FMN1: variants seen among roughly 807,000 people sequenced by gnomAD.
FMN1 encodes the protein formin-1.
In FMN1, 110 loss-of-function variants were observed where a neutral mutation model predicts 132.4. The ratio of observed to expected loss-of-function variants is 0.83; its 90% CI spans 0.71 to 0.97. FMN1 has a LOEUF of 0.97. FMN1 is among the 50% of genes least tolerant of loss of function. The pLI, the probability that FMN1 is intolerant of heterozygous loss-of-function variation, is 0.00. For missense variants in FMN1, 1,792 were observed against 1,705.3 expected (o/e 1.05, Z -0.90); for synonymous variants, 722 against 651.7 (o/e 1.11, Z -1.64).
At chr15:32,797,354 C>T (rs753204172) in intron 19 of FMN1, among the ~76,000 whole-genome samples, 47 of 152,180 alleles carry the variant, frequency 3.1e-4, no homozygotes, top group Non-Finnish European at 6.6e-4. Context: ...GCTGTACATT[C>T]CAGGCCCACT....
intron 19 of FMN1, among the ~76,000 whole-genome samples, chr15:32,778,366 A>T (rs896679343): frequency 2.0e-5 from 3 of 149,952 alleles, no homozygotes; most frequent in Admixed American, 1.3e-4. Flanking sequence ...TGCAACCTCC[A>T]CCTCCAGAAT....
At chr15:33,167,175 C>T (rs1965141661) in intron 3 of FMN1, among the ~76,000 whole-genome samples, 1 of 152,162 alleles carries the variant, frequency 6.6e-6, no homozygotes, top group Admixed American at 6.5e-5. Flanking sequence ...TAATAATCCC[C>T]ACGTGTCATG....
intron 16 of FMN1, among the ~76,000 whole-genome samples, chr15:32,866,186 C>A (rs1441677261): frequency 2.0e-5 from 3 of 149,358 alleles, no homozygotes; most frequent in African/African-American, 7.5e-5. Context: ...ATGTAACAAA[C>A]CTGCACGTTG....
intron 9 of FMN1, among the ~76,000 whole-genome samples, chr15:32,931,565 G>T (rs967859467): frequency 2.6e-5 from 4 of 152,168 alleles, no homozygotes; most frequent in African/African-American, 9.7e-5. Context: ...TAAGTTTGCT[G>T]AATGTTTTTC....
intron 16 of FMN1, among the ~76,000 whole-genome samples, chr15:32,875,994 C>T (rs1382034601): frequency 6.6e-6 from 1 of 152,098 alleles, no homozygotes. Context: ...GCCCTACTCA[C>T]TTGGGAGGAT....
intron 10 of FMN1, among the ~76,000 whole-genome samples, chr15:32,914,864 T>C (rs1305642469): frequency 6.6e-6 from 1 of 152,160 alleles, no homozygotes; most frequent in African/African-American, 2.4e-5. Flanking sequence ...GAGGTGAGCA[T>C]GACTACTGAT....
intron 9 of FMN1, among the ~76,000 whole-genome samples, chr15:32,932,342 A>C (rs1208237284): frequency 6.6e-6 from 1 of 152,234 alleles, no homozygotes; most frequent in East Asian, 1.9e-4. Flanking sequence ...CCAAGGTTGC[A>C]GTGAGCTGAT....
At chr15:32,939,262 C>T (rs745954745) in intron 9 of FMN1, among the ~76,000 whole-genome samples, 17 of 152,140 alleles carry the variant, frequency 1.1e-4, no homozygotes, top group African/African-American at 1.9e-4. Context: ...CGAATTTTTA[C>T]GGTAATTCAT....
intron 7 of FMN1, among the ~76,000 whole-genome samples, chr15:32,990,101 A>T (rs1334566076): frequency 6.6e-6 from 1 of 152,188 alleles, no homozygotes; most frequent in Non-Finnish European, 1.5e-5. Context: ...TTCCCAGTGT[A>T]GCTTTCCACA....
chr15:33,032,476 T>C (rs978586620), intron 6 of FMN1, among the ~76,000 whole-genome samples: 1 of 152,244 alleles, frequency 6.6e-6, no homozygotes, highest in Admixed American at 6.5e-5. Flanking sequence ...TTTGTGTGTA[T>C]GCCCTTGTAT....
rs1306304659 is a variant in FMN1 at position 32,768,770 on chromosome 15, T to C, written c.*5540A>G. On this transcript the variant is annotated 3_prime_UTR_variant, in exon 21 of 21. Transcript: ENST00000616417. ...AAAAGGAGACTAGAGATTCTCAGTA[T>C]ATTTAAGAGAAGATTTAAAAATAGA... 1.3e-5 allele frequency: 2 copies of C among 148,590 alleles called. No homozygotes were observed. The highest frequency in any genetic ancestry group is 6.7e-5 in the Admixed American group (1 of 14,870). 9.2% of individuals were successfully genotyped at this position (148,590 alleles called of 1,614,324 possible). A position where few individuals can be genotyped will look rare whatever the true frequency, so the allele number is the denominator to read the frequency against.
chr15:32,973,179 A>G (rs79112699), intron 7 of FMN1, among the ~76,000 whole-genome samples: 3,758 of 152,298 alleles, frequency 0.025, 62 homozygotes, highest in Middle Eastern at 0.085. Context: ...AATTAGCTTT[A>G]CTTGCAGACT....
rs1397952718 is a variant in FMN1 at position 33,129,116 on chromosome 15, C to T, written c.1867+23932G>A. ...AAAAGTTCTCCAAGTCCCCACAAAA[C>T]CCAGAAGCCCAGCTGGCTTCACCTC... On this transcript the variant is annotated intron_variant, in intron 4 of 20. Coordinates refer to ENST00000616417, the MANE Select transcript of FMN1 (RefSeq NM_001277313.2). 3.9e-5 allele frequency among the ~76,000 whole-genome samples: 6 copies of T among 152,306 alleles called. No homozygotes were observed. In the East Asian group the frequency reaches 1.2e-3, roughly 29 times the overall value.
chr15:32,812,015 TAAACAAACAAAC>T (rs71424675), intron 17 of FMN1, among the ~76,000 whole-genome samples: 93 of 150,480 alleles, frequency 6.2e-4, no homozygotes, highest in South Asian at 1.5e-3. Context: ...TTATGGACAC[TAAACAAACAAAC>T]AAACAAACAA....
At chr15:32,774,458 C>T in intron 20 of FMN1, 104 bp from the exon 21 acceptor site, 1 of 864,814 alleles carries the variant, frequency 1.2e-6, no homozygotes, top group Non-Finnish European at 1.8e-6. Flanking sequence ...CGGAATTGTG[C>T]CAAATGGCCT....
intron 6 of FMN1, among the ~76,000 whole-genome samples, chr15:33,041,915 G>GT (rs1378888747): frequency 5.3e-5 from 8 of 151,144 alleles, no homozygotes; most frequent in Admixed American, 1.3e-4. Context: ...ATTTCACAGT[G>GT]TTTTTTTTCA....
At position 32,772,516 on chromosome 15, in the gene FMN1, T is replaced by C. The variant is rs1342397569; in HGVS notation, c.*1794A>G. 2.6e-5 allele frequency: 4 copies of C among 152,270 alleles called. No homozygotes were observed. Among genetic ancestry groups the C allele is most frequent in the Non-Finnish European group, 5.9e-5 (4 of 68,054 alleles). The allele number at this position is 152,270 out of a possible 1,614,324, so 9.4% of individuals were successfully genotyped here. ...GTTAAGTGAAAATGAAGAGAAACTA[T>C]GTAAGAAAGCAGCATAAAAAGCTTC... On this transcript the variant is annotated 3_prime_UTR_variant, in exon 21 of 21. Transcript: ENST00000616417.
intron 6 of FMN1, chr15:33,012,051 C>T (rs2034758275): frequency 6.3e-6 from 2 of 314,968 alleles, no homozygotes; most frequent in Non-Finnish European, 1.2e-5. Context: ...AGTAACAAAA[C>T]TATGAAGAAA....
Position 32,769,833 on chromosome 15 carries a change from G to GT in FMN1, c.*4476dup, listed in dbSNP as rs1201081091. On this transcript the variant is annotated 3_prime_UTR_variant, in exon 21 of 21. Coordinates refer to ENST00000616417, the MANE Select transcript of FMN1 (RefSeq NM_001277313.2). ...TCTCTCCACTCTCTTCAGTTGTAGGGTCCCTAAAGGTAAAATAACTAATAC... is the reference window on the plus strand; with the variant it reads ...TCTCTCCACTCTCTTCAGTTGTAGGGTTCCCTAAAGGTAAAATAACTAATAC... The GT allele has an allele frequency of 6.6e-6, 1 of 152,128 alleles. No individual in the cohort carries two copies. Among genetic ancestry groups the GT allele is most frequent in the Non-Finnish European group, 1.5e-5 (1 of 68,032 alleles). 9.4% of individuals were successfully genotyped at this position (152,128 alleles called of 1,614,324 possible).
Sources: gnomAD v4.1 joint callset for allele counts (sites outside exome capture counted in the v4.1 genomes callset) on GRCh38, gnomAD v4.1.1 for gene constraint, MANE v1.5 for transcripts, NCBI Gene and HGNC (gene_info 2026-07-23, HGNC 2026-07-21) for gene names.